The following KCNIP4 variants were observed in gnomAD, a reference collection of about 807,000 sequenced individuals.
KCNIP4 encodes Kv channel-interacting protein 4.
Under a neutral mutation model 34.0 loss-of-function variants are expected in KCNIP4, and 12 were observed. The ratio of observed to expected loss-of-function variants is 0.35; its 90% CI spans 0.23 to 0.57. KCNIP4 has a LOEUF of 0.57. Among genes scored for constraint, KCNIP4 ranks in the 20% least tolerant of loss-of-function variants. The probability of loss-of-function intolerance (pLI) is 0.83; values close to 1 mark genes in which losing one functional copy is unlikely to be tolerated. For missense variants in KCNIP4, 238 were observed against 311.7 expected, an observed-to-expected ratio of 0.76 and a Z score of 1.78; for synonymous variants, 124 against 102.2, an observed-to-expected ratio of 1.21 and a Z score of -1.29.
intron 1 of KCNIP4, among the ~76,000 whole-genome samples, chr4:21,359,693 T>C (rs959874221): frequency 6.6e-6 from 1 of 152,118 alleles, no homozygotes; most frequent in African/African-American, 2.4e-5. Context: ...CTAATAAATG[T>C]TTCCTATGGT....
chr4:21,233,884 AAT>A (rs977874785), intron 1 of KCNIP4, among the ~76,000 whole-genome samples: 14 of 133,978 alleles, frequency 1.0e-4, no homozygotes, highest in African/African-American at 3.7e-4. Flanking sequence ...ATCCATAACT[AAT>A]ATATATCACA....
At chr4:21,892,516 T>G (rs1293770049) in intron 1 of KCNIP4, among the ~76,000 whole-genome samples, 1 of 132,614 alleles carries the variant, frequency 7.5e-6, no homozygotes, top group Non-Finnish European at 1.5e-5. Flanking sequence ...ATGTATATTA[T>G]GACTTTAAAA....
chr4:20,924,184 G>T (rs1008330425), intron 1 of KCNIP4, among the ~76,000 whole-genome samples: 1 of 152,176 alleles, frequency 6.6e-6, no homozygotes, highest in Non-Finnish European at 1.5e-5. Context: ...TGCACTTGGA[G>T]CCAAATTACT....
chr4:21,901,583 A>AT (rs1727706416), intron 1 of KCNIP4, among the ~76,000 whole-genome samples: 1 of 152,156 alleles, frequency 6.6e-6, no homozygotes, highest in Non-Finnish European at 1.5e-5. Context: ...ATTATGGGTG[A>AT]TTTTTTATTC....
chr4:21,473,292 G>T (rs1045245658), intron 1 of KCNIP4, among the ~76,000 whole-genome samples: 1 of 152,096 alleles, frequency 6.6e-6, no homozygotes, highest in Admixed American at 6.6e-5. Context: ...CAGGGAATAC[G>T]GGGAAATCCT....
intron 1 of KCNIP4, among the ~76,000 whole-genome samples, chr4:21,506,964 T>C (rs1733898448): frequency 6.6e-6 from 1 of 151,762 alleles, no homozygotes; most frequent in South Asian, 2.1e-4. Context: ...TCTTTTTTTG[T>C]GTGTGTGCAG....
chr4:21,429,931 C>A (rs1726287383), intron 1 of KCNIP4, among the ~76,000 whole-genome samples: 1 of 152,038 alleles, frequency 6.6e-6, no homozygotes, highest in African/African-American at 2.4e-5. Flanking sequence ...TTCATTTAAT[C>A]CAGTATGCAC....
intron 1 of KCNIP4, among the ~76,000 whole-genome samples, chr4:21,746,066 C>A (rs1215986395): frequency 6.6e-6 from 1 of 152,140 alleles, no homozygotes; most frequent in Non-Finnish European, 1.5e-5. Context: ...CAAATGGCCA[C>A]ATTCTTGCTC....
intron 1 of KCNIP4, among the ~76,000 whole-genome samples, chr4:21,816,351 A>C (rs1441165416): frequency 6.6e-6 from 1 of 152,168 alleles, no homozygotes; most frequent in Admixed American, 6.5e-5. Context: ...TCAACAACCA[A>C]GCTATAATAT....
At chr4:21,257,050 T>C (rs1761106910) in intron 1 of KCNIP4, among the ~76,000 whole-genome samples, 1 of 152,198 alleles carries the variant, frequency 6.6e-6, no homozygotes, top group African/African-American at 2.4e-5. Context: ...ACACAGTAGG[T>C]GCTAAATAAA....
chr4:21,317,623 G>A (rs1713920572), intron 1 of KCNIP4, among the ~76,000 whole-genome samples: 1 of 152,158 alleles, frequency 6.6e-6, no homozygotes, highest in Admixed American at 6.5e-5. Flanking sequence ...CTATATTATG[G>A]TTATAATGGT....
At chr4:21,720,000 GAAA>G (rs59482126) in intron 1 of KCNIP4, among the ~76,000 whole-genome samples, 24,607 of 127,110 alleles carry the variant, frequency 0.19, 3,360 homozygotes, top group African/African-American at 0.46. Flanking sequence ...AAGAAGAAAA[GAAA>G]AAGAAGAAGA....
At chr4:20,850,844 A>G in intron 2 of KCNIP4, 177 bp from the exon 3 acceptor site, 1 of 542,510 alleles carries the variant, frequency 1.8e-6, no homozygotes, top group Non-Finnish European at 3.0e-6. Flanking sequence ...TATTAAGCTA[A>G]AACACTTGTA....
At chr4:21,636,491 A>G (rs930361183) in intron 1 of KCNIP4, among the ~76,000 whole-genome samples, 7 of 152,146 alleles carry the variant, frequency 4.6e-5, no homozygotes, top group Admixed American at 2.0e-4. Flanking sequence ...AGGCAGCACT[A>G]AAAAATGGAA....
At chr4:21,785,637 C>A (rs28841296) in intron 1 of KCNIP4, among the ~76,000 whole-genome samples, 8 of 136,930 alleles carry the variant, frequency 5.8e-5, no homozygotes, top group Non-Finnish European at 1.0e-4. Context: ...TAACCATGAG[C>A]TATTATCCCC....
intron 1 of KCNIP4, among the ~76,000 whole-genome samples, chr4:21,444,924 A>T (rs1424309801): frequency 1.3e-5 from 2 of 152,106 alleles, no homozygotes; most frequent in African/African-American, 4.8e-5. Context: ...CAACTTCAGC[A>T]GTCTCAGGAT....
intron 1 of KCNIP4, among the ~76,000 whole-genome samples, chr4:21,743,903 C>A (rs909053551): frequency 9.9e-5 from 15 of 151,004 alleles, no homozygotes; most frequent in Non-Finnish European, 8.8e-5. Context: ...GAGGCATTGC[C>A]ATGGGACTTG....
chr4:21,226,090 C>G (rs1233603308), intron 1 of KCNIP4, among the ~76,000 whole-genome samples: 1 of 151,650 alleles, frequency 6.6e-6, no homozygotes, highest in Non-Finnish European at 1.5e-5. Context: ...GTGATTGCCT[C>G]ACTGTAGAGA....
intron 1 of KCNIP4, among the ~76,000 whole-genome samples, chr4:21,386,330 C>T (rs145381452): frequency 1.5e-3 from 229 of 152,120 alleles, no homozygotes; most frequent in African/African-American, 5.3e-3. Context: ...GTTTATGGTG[C>T]CAGTCATCTG....
Sources: gnomAD v4.1 joint callset for allele counts (sites outside exome capture counted in the v4.1 genomes callset) on GRCh38, gnomAD v4.1.1 for gene constraint, MANE v1.5 for transcripts, NCBI Gene and HGNC (gene_info 2026-07-23, HGNC 2026-07-21) for gene names.